RAB23: variants seen among roughly 807,000 people sequenced by gnomAD.
The protein encoded by RAB23 is ras-related protein Rab-23.
Under a neutral mutation model 30.0 loss-of-function variants are expected in RAB23, and 15 were observed. That is an observed-to-expected ratio of 0.50 (90% CI 0.33 to 0.77). The LOEUF (loss-of-function observed/expected upper bound fraction) is 0.77. Ranked by LOEUF, RAB23 falls within the 30% of genes least tolerant of loss-of-function variation. RAB23 has a pLI of 0.02. For missense variants in RAB23, 243 were observed against 275.4 expected, an observed-to-expected ratio of 0.88 and a Z score of 0.83; for synonymous variants, 93 against 94.0, an observed-to-expected ratio of 0.99 and a Z score of 0.06.
Position 57,205,046 on chromosome 6 carries a change from ATC to A in RAB23, c.241+2580_241+2581del, listed in dbSNP as rs1204554905. Among the ~76,000 whole-genome samples, 19 of 151,322 alleles carry A rather than the reference ATC, an allele frequency of 1.3e-4. No homozygotes were observed. In the South Asian group the frequency reaches 2.3e-3, roughly 18 times the overall value. On this transcript the variant is annotated intron_variant, in intron 3 of 6. Coordinates refer to ENST00000468148, the MANE Select transcript of RAB23 (RefSeq NM_016277.5). ...CATATATGTATATGTGTATATATAC[ATC>A]TGTTTATAAATATGTGTATATATAC...
chr6:57,193,952 C>A lies in RAB23; in HGVS notation c.482-18G>T, dbSNP rs765660511. Reference sequence around the variant, plus strand: ...CTTAAAAACTAGAATAAAAAGAAAACACCCAGAACCAGGTCAATGATTTAT... The same window carrying A: ...CTTAAAAACTAGAATAAAAAGAAAAAACCCAGAACCAGGTCAATGATTTAT... On this transcript the variant is annotated intron_variant, in intron 5 of 6. Coordinates refer to ENST00000468148, the MANE Select transcript of RAB23 (RefSeq NM_016277.5). The A allele has an allele frequency of 3.1e-6, 5 of 1,606,214 alleles. 1 individual carries two copies. The South Asian group carries it at 5.5e-5, about 18-fold the overall frequency.
At chr6:57,220,159 G>A (rs1296824077) in intron 1 of RAB23, among the ~76,000 whole-genome samples, 1 of 152,088 alleles carries the variant, frequency 6.6e-6, no homozygotes, top group Non-Finnish European at 1.5e-5. Context: ...ATGAAAACAT[G>A]TACATCTTTA....
In RAB23 at chr6:57,189,916, A is replaced by G. The variant is rs1196764467; in HGVS notation, c.*545T>C. ...TACCTTCAGCTTACTCCAGTACCAG[A>G]CATCTGCATGCACACCCCACATTCT... On this transcript the variant is annotated 3_prime_UTR_variant, in exon 7 of 7. Transcript: ENST00000468148. 1 of 164,052 alleles carries G rather than the reference A, an allele frequency of 6.1e-6. No homozygotes were observed. Among genetic ancestry groups the G allele is most frequent in the African/African-American group, 2.4e-5 (1 of 41,494 alleles). The allele number at this position is 164,052 out of a possible 1,614,324, so 10.2% of individuals were successfully genotyped here. A position where few individuals can be genotyped will look rare whatever the true frequency, so the allele number is the denominator to read the frequency against.
chr6:57,214,708 G>A (rs1170480854), intron 1 of RAB23, among the ~76,000 whole-genome samples: 5 of 152,134 alleles, frequency 3.3e-5, no homozygotes, highest in Non-Finnish European at 5.9e-5. Context: ...CACATCAAAG[G>A]AAGAGAATCA....
At chr6:57,195,185 A>G (rs2127998151) in intron 4 of RAB23, among the ~76,000 whole-genome samples, 1 of 152,326 alleles carries the variant, frequency 6.6e-6, no homozygotes, top group Middle Eastern at 3.4e-3. Context: ...AACTAAGAAA[A>G]TATCACTTTT....
chr6:57,196,777 A>T (rs942130286), intron 3 of RAB23, among the ~76,000 whole-genome samples, 171 bp from the exon 4 acceptor site: 1 of 152,216 alleles, frequency 6.6e-6, no homozygotes, highest in Non-Finnish European at 1.5e-5. Context: ...TTTACTTTTC[A>T]ACATATAAAC....
chr6:57,207,832 T>G, intron 2 of RAB23, 119 bp from the exon 3 acceptor site: 1 of 691,148 alleles, frequency 1.4e-6, no homozygotes, highest in East Asian at 2.8e-5. Flanking sequence ...CTCCTTGACT[T>G]ATGATGGGTT....
chr6:57,221,453 A>C (rs1322742505), intron 1 of RAB23: 1 of 152,384 alleles, frequency 6.6e-6, no homozygotes, highest in Admixed American at 6.5e-5. Context: ...CACTCTATGA[A>C]CAAGAAACTA....
intron 3 of RAB23, among the ~76,000 whole-genome samples, chr6:57,200,961 C>T (rs528944044): frequency 5.9e-5 from 9 of 152,160 alleles, no homozygotes; most frequent in South Asian, 2.1e-4. Context: ...GGCACCTTGA[C>T]GTACTGAATA....
intron 3 of RAB23, among the ~76,000 whole-genome samples, chr6:57,206,612 C>T (rs867331994): frequency 2.0e-5 from 3 of 151,812 alleles, no homozygotes; most frequent in South Asian, 2.1e-4. Context: ...TTCAAGGTGC[C>T]GAGGTTTTGG....
chr6:57,209,737 C>T (rs1213461477), intron 2 of RAB23, among the ~76,000 whole-genome samples: 1 of 152,118 alleles, frequency 6.6e-6, no homozygotes, highest in African/African-American at 2.4e-5. Flanking sequence ...GCAGGATTTC[C>T]TTTTCATAGG....
chr6:57,200,278 C>A (rs1335249912), intron 3 of RAB23, among the ~76,000 whole-genome samples: 2 of 151,056 alleles, frequency 1.3e-5, no homozygotes, highest in Non-Finnish European at 2.9e-5. Flanking sequence ...GTGGCTCATG[C>A]CTGTAATCCC....
intron 3 of RAB23, among the ~76,000 whole-genome samples, chr6:57,198,468 C>T (rs374046529): frequency 1.3e-4 from 20 of 151,876 alleles, no homozygotes; most frequent in African/African-American, 2.4e-4. Context: ...GAGCCGAGAT[C>T]GCGCCACTGC....
intron 3 of RAB23, among the ~76,000 whole-genome samples, chr6:57,201,955 A>G (rs1765285611): frequency 1.3e-5 from 2 of 152,206 alleles, no homozygotes; most frequent in South Asian, 2.1e-4. Flanking sequence ...TCTTGTTTCA[A>G]CATCTCTCAC....
chr6:57,202,324 T>G (rs74604934), intron 3 of RAB23, among the ~76,000 whole-genome samples: 4,094 of 152,312 alleles, frequency 0.027, 185 homozygotes, highest in African/African-American at 0.094. Flanking sequence ...CACTGTATAG[T>G]AGCCATATGG....
chr6:57,211,619 G>A (rs1234260861), intron 1 of RAB23, among the ~76,000 whole-genome samples: 11 of 152,122 alleles, frequency 7.2e-5, no homozygotes, highest in Non-Finnish European at 1.2e-4. Context: ...AATAGTGTAC[G>A]ACCATGTGTC....
At chr6:57,202,081 T>C (rs1765289726) in intron 3 of RAB23, among the ~76,000 whole-genome samples, 2 of 152,266 alleles carry the variant, frequency 1.3e-5, no homozygotes, top group African/African-American at 4.8e-5. Flanking sequence ...TTTTAATTTG[T>C]TGATTTTTAT....
chr6:57,210,147 T>A lies in RAB23; in HGVS notation c.155+79A>T. The A allele has an allele frequency of 1.4e-6, 2 of 1,480,724 alleles. 1 individual carries two copies. The highest frequency in any genetic ancestry group is 2.3e-5 in the South Asian group (2 of 87,360). The allele number at this position is 1,480,724 out of a possible 1,614,324, so 91.7% of individuals were successfully genotyped here. ...TGCCACACCTCGAAATCCACTGCAA[T>A]CAGTTAACTATTACTCCAATGAGTC... On this transcript the variant is annotated intron_variant, in intron 2 of 6. Transcript: ENST00000468148.
chr6:57,193,082 G>A (rs1322005799), intron 6 of RAB23, among the ~76,000 whole-genome samples: 1 of 151,882 alleles, frequency 6.6e-6, no homozygotes, highest in Non-Finnish European at 1.5e-5. Flanking sequence ...TAGATATGAA[G>A]AAGACAAAAG....
Sources: allele counts gnomAD v4.1 joint callset (sites outside exome capture counted in the v4.1 genomes callset), GRCh38; gene constraint gnomAD v4.1.1; transcripts MANE v1.5; gene names NCBI Gene and HGNC (gene_info 2026-07-23, HGNC 2026-07-21).